The following UNC13C variants were observed in gnomAD, a reference collection of about 807,000 sequenced individuals.
UNC13C encodes the protein protein unc-13 homolog C.
A neutral mutation model predicts 245.4 loss-of-function variants in UNC13C; 174 were observed. That is an observed-to-expected ratio of 0.71 (90% CI 0.63 to 0.80). The LOEUF is 0.80. Ranked by LOEUF, UNC13C falls within the 30% of genes least tolerant of loss-of-function variation. UNC13C has a pLI of 0.00. For missense variants in UNC13C, 2,829 were observed against 2,602.9 expected (o/e 1.09, Z -1.89); for synonymous variants, 992 against 895.1 (o/e 1.11, Z -1.93).
chr15:54,621,278 C>T (rs1271592897), intron 30 of UNC13C, among the ~76,000 whole-genome samples: 1 of 152,056 alleles, frequency 6.6e-6, no homozygotes, highest in Non-Finnish European at 1.5e-5. Context: ...AAGTTACAGT[C>T]TCTGTGGTAG....
intron 2 of UNC13C, among the ~76,000 whole-genome samples, chr15:54,033,538 C>T (rs1239711977): frequency 3.9e-5 from 6 of 152,082 alleles, no homozygotes; most frequent in Non-Finnish European, 7.4e-5. Flanking sequence ...ACACACATTC[C>T]GTGAACCACA....
At chr15:54,512,592 T>G (rs1194883225) in intron 24 of UNC13C, among the ~76,000 whole-genome samples, 1 of 152,138 alleles carries the variant, frequency 6.6e-6, no homozygotes, top group Non-Finnish European at 1.5e-5. Flanking sequence ...CTGGAGAAGG[T>G]GCTGAGAGGG....
At chr15:54,060,996 T>C (rs1897801431) in intron 2 of UNC13C, among the ~76,000 whole-genome samples, 1 of 151,680 alleles carries the variant, frequency 6.6e-6, no homozygotes, top group South Asian at 2.1e-4. Context: ...AGGGAGAGCA[T>C]TAGGAGATAT....
At chr15:54,380,590 C>A (rs75794914) in intron 17 of UNC13C, among the ~76,000 whole-genome samples, 1 of 151,962 alleles carries the variant, frequency 6.6e-6, no homozygotes, top group Non-Finnish European at 1.5e-5. Context: ...CAAAAGTGTG[C>A]GAGAGTTCTC....
chr15:54,098,747 A>C (rs1475133761), intron 2 of UNC13C, among the ~76,000 whole-genome samples: 1 of 152,192 alleles, frequency 6.6e-6, no homozygotes, highest in Non-Finnish European at 1.5e-5. Context: ...AAAACATTTC[A>C]CCAGTAAAAC....
chr15:54,451,340 A>G (rs1596398044), intron 19 of UNC13C, among the ~76,000 whole-genome samples: 1 of 152,116 alleles, frequency 6.6e-6, no homozygotes. Context: ...TAAGGGATGT[A>G]AGCTTTACCT....
intron 2 of UNC13C, among the ~76,000 whole-genome samples, chr15:54,118,313 C>G (rs1015877918): frequency 2.0e-5 from 3 of 151,672 alleles, no homozygotes; most frequent in African/African-American, 7.3e-5. Flanking sequence ...TTCTTGTGTC[C>G]TCTTCAATTT....
chr15:54,207,109 A>G (rs1252547770), intron 4 of UNC13C, among the ~76,000 whole-genome samples: 1 of 146,124 alleles, frequency 6.8e-6, no homozygotes, highest in Non-Finnish European at 1.5e-5. Context: ...CACTTTATTG[A>G]TGATGATGAT....
intron 4 of UNC13C, among the ~76,000 whole-genome samples, chr15:54,199,593 G>A (rs1377380358): frequency 3.3e-5 from 5 of 152,036 alleles, no homozygotes; most frequent in Non-Finnish European, 5.9e-5. Flanking sequence ...GCAAAGCTAG[G>A]CTTCACAAAT....
At chr15:53,983,103 T>A (rs1020186205) in intron 1 of UNC13C, among the ~76,000 whole-genome samples, 2 of 152,194 alleles carry the variant, frequency 1.3e-5, no homozygotes, top group Non-Finnish European at 2.9e-5. Flanking sequence ...GGCTCTTTAC[T>A]GTGACTCATT....
chr15:54,574,299 G>A (rs1897871483), intron 30 of UNC13C, among the ~76,000 whole-genome samples: 1 of 152,086 alleles, frequency 6.6e-6, no homozygotes, highest in African/African-American at 2.4e-5. Flanking sequence ...TAGTTAGCTT[G>A]AAATATTACA....
chr15:54,522,945 C>A (rs1269235253), intron 24 of UNC13C, among the ~76,000 whole-genome samples: 1 of 152,038 alleles, frequency 6.6e-6, no homozygotes, highest in East Asian at 1.9e-4. Context: ...AATAACAATA[C>A]AAAAAGATTC....
chr15:54,167,602 G>GAAAAAAAAAAAAA (rs35210236), intron 4 of UNC13C, among the ~76,000 whole-genome samples: 13 of 63,572 alleles, frequency 2.0e-4, no homozygotes, highest in Non-Finnish European at 2.9e-4. Flanking sequence ...ATCCAAATAG[G>GAAAAAAAAAAAAA]AAAAAAAAAA....
At chr15:54,313,153 G>A (rs933438911) in intron 13 of UNC13C, among the ~76,000 whole-genome samples, 3 of 151,660 alleles carry the variant, frequency 2.0e-5, no homozygotes, top group East Asian at 1.9e-4. Flanking sequence ...CTTTAAAAAA[G>A]TTAAAATGCT....
chr15:54,321,835 T>C (rs2038167969), intron 13 of UNC13C, 104 bp from the exon 14 acceptor site: 2 of 1,173,946 alleles, frequency 1.7e-6, no homozygotes, highest in East Asian at 2.7e-5. Flanking sequence ...TCTCTCCTTT[T>C]CATAGATGTA....
the UNC13C span, among the ~76,000 whole-genome samples, chr15:53,896,798 G>A: frequency 2.0e-5 from 3 of 151,994 alleles, no homozygotes; most frequent in East Asian, 5.8e-4. Flanking sequence ...TTTTTATTAT[G>A]TCTGGCATCA....
intron 4 of UNC13C, among the ~76,000 whole-genome samples, chr15:54,230,487 T>C (rs2035520196): frequency 6.6e-6 from 1 of 152,094 alleles, no homozygotes. Context: ...CTCTACTTAA[T>C]CAGTAAAATC....
chr15:54,050,418 G>C (rs1897228228), intron 2 of UNC13C: 3 of 553,354 alleles, frequency 5.4e-6, no homozygotes, highest in Non-Finnish European at 7.3e-6. Context: ...TATTCTCTGG[G>C]AGTAGTCAGG....
At chr15:54,035,799 C>G (rs929863938) in intron 2 of UNC13C, among the ~76,000 whole-genome samples, 3 of 152,014 alleles carry the variant, frequency 2.0e-5, no homozygotes, top group African/African-American at 7.2e-5. Context: ...GGGCAAAATT[C>G]CAAAAAGCCG....
Sources: gnomAD v4.1 joint callset for allele counts (sites outside exome capture counted in the v4.1 genomes callset) on GRCh38, gnomAD v4.1.1 for gene constraint, MANE v1.5 for transcripts, NCBI Gene and HGNC (gene_info 2026-07-23, HGNC 2026-07-21) for gene names.